IGSF10: variants seen among roughly 807,000 people sequenced by gnomAD.
IGSF10 encodes the protein immunoglobulin superfamily member 10, also known as calvaria mechanical force protein 608.
A neutral mutation model predicts 128.2 loss-of-function variants in IGSF10; 126 were observed. The ratio of observed to expected loss-of-function variants is 0.98; its 90% CI spans 0.85 to 1.14. The LOEUF is 1.14. Ranked by LOEUF, IGSF10 falls within the 50% of genes most tolerant of loss-of-function variation. The pLI is 0.00. For missense variants in IGSF10, 3,295 were observed against 3,149.8 expected (o/e 1.05, Z -1.10); for synonymous variants, 1,185 against 1,146.2 (o/e 1.03, Z -0.68).
At chr3:151,482,329 T>C in the IGSF10 span, among the ~76,000 whole-genome samples, 1 of 152,054 alleles carries the variant, frequency 6.6e-6, no homozygotes, top group Non-Finnish European at 1.5e-5. Context: ...ATGACCAGAA[T>C]GAGAAATTTA....
chr3:151,454,926 A>G lies in IGSF10; in HGVS notation c.325-1152T>C, dbSNP rs142868316. On this transcript the variant is annotated intron_variant, in intron 4 of 7. Transcript: ENST00000282466. ...GAGGCTGAGGCATGAGAATCATTTG[A>G]ACTTGGAAGGTGGAGGTTGTAGTGA... Among the ~76,000 whole-genome samples, 827 of 152,108 alleles carry G rather than the reference A, an allele frequency of 5.4e-3. 2 individuals carry two copies. The highest frequency in any genetic ancestry group is 0.019 in the African/African-American group (769 of 41,500).
intron 4 of IGSF10, among the ~76,000 whole-genome samples, chr3:151,455,364 T>C (rs9838233): frequency 0.78 from 118,238 of 151,384 alleles, 46,475 homozygotes; most frequent in Middle Eastern, 0.95. Flanking sequence ...TGCCCCCCCT[T>C]GGCCTCCCAA....
the IGSF10 span, among the ~76,000 whole-genome samples, chr3:151,543,478 C>A: frequency 2.0e-5 from 3 of 152,178 alleles, no homozygotes; most frequent in East Asian, 3.9e-4. Context: ...TCTCTCTGGG[C>A]AAGAGCACGA....
chr3:151,506,153 C>A, the IGSF10 span, among the ~76,000 whole-genome samples: 2 of 152,262 alleles, frequency 1.3e-5, no homozygotes, highest in South Asian at 4.2e-4. Flanking sequence ...CGGGGTTTCA[C>A]CATGTTGGCC....
At chr3:151,570,166 G>C in the IGSF10 span, among the ~76,000 whole-genome samples, 13 of 152,258 alleles carry the variant, frequency 8.5e-5, no homozygotes, top group Middle Eastern at 3.4e-3. Context: ...CCAAGTCTTT[G>C]CTATTGTGAA....
the IGSF10 span, among the ~76,000 whole-genome samples, chr3:151,517,442 G>A: frequency 6.0e-4 from 91 of 152,104 alleles, no homozygotes; most frequent in Admixed American, 2.9e-3. Flanking sequence ...AGTCATAATA[G>A]CAGTCTCCCT....
At chr3:151,482,803 A>G in the IGSF10 span, among the ~76,000 whole-genome samples, 5 of 152,320 alleles carry the variant, frequency 3.3e-5, no homozygotes, top group Middle Eastern at 3.4e-3. Flanking sequence ...AAAGAAAAGC[A>G]CCTACATCAT....
At position 151,458,512 on chromosome 3, in the gene IGSF10, A is replaced by G; in HGVS notation, c.194+4T>C. ...GAGAAGAGGAAACATGAGGTCTCACACACCCTAAATTGATGCGTTCCACAT... is the reference window on the plus strand; with the variant it reads ...GAGAAGAGGAAACATGAGGTCTCACGCACCCTAAATTGATGCGTTCCACAT... On this transcript the variant is annotated splice_donor_region_variant and intron_variant, in intron 3 of 7. Transcript: ENST00000282466. 2.5e-6 allele frequency: 4 copies of G among 1,606,334 alleles called. No homozygotes were observed. Among genetic ancestry groups the G allele is most frequent in the South Asian group, 1.1e-5 (1 of 90,242 alleles).
At chr3:151,522,940 T>C in the IGSF10 span, among the ~76,000 whole-genome samples, 1 of 152,106 alleles carries the variant, frequency 6.6e-6, no homozygotes, top group Admixed American at 6.6e-5. Context: ...AACCTCATAG[T>C]CTCAACCCAA....
Position 151,446,394 on chromosome 3 carries a change from G to A in IGSF10, c.3587C>T (p.Thr1196Ile), listed in dbSNP as rs777524993. 6.2e-7 allele frequency: 1 copy of A among 1,613,448 alleles called. No individual in the cohort carries two copies. The highest frequency in any genetic ancestry group is 1.1e-5 in the South Asian group (1 of 91,042). The change falls in exon 6 of 8, where the codon ACA (threonine) becomes ATA (isoleucine). Residue 1196 changes from threonine (T) to isoleucine (I), a missense_variant. Thr to Ile is a moderately conservative substitution (Grantham distance 89, BLOSUM62 -1). Transcript: ENST00000282466. ...TKPPMTIIAI[T>I]RFSRRKIPWQ... is the part of the protein sequence containing the mutation. The stretch of plus-strand genomic sequence containing the variant: ...GGGAATTTTCCTTCTTGAAAACCTT[G>A]TAATGGCTATAATAGTCATTGGTGG...
chr3:151,510,421 GA>G, the IGSF10 span, among the ~76,000 whole-genome samples: 1 of 152,146 alleles, frequency 6.6e-6, no homozygotes, highest in Non-Finnish European at 1.5e-5. Context: ...CTGGTAGAAG[GA>G]AAACTAACAA....
At chr3:151,510,228 T>G in the IGSF10 span, among the ~76,000 whole-genome samples, 3 of 152,116 alleles carry the variant, frequency 2.0e-5, no homozygotes, top group Non-Finnish European at 4.4e-5. Context: ...CAACCCCCAG[T>G]AGGGGCGGAC....
the IGSF10 span, among the ~76,000 whole-genome samples, chr3:151,581,990 C>T: frequency 2.6e-5 from 4 of 151,984 alleles, no homozygotes. Flanking sequence ...CGCTTGAACC[C>T]GGGAGGCAGA....
the IGSF10 span, among the ~76,000 whole-genome samples, chr3:151,514,682 C>T: frequency 2.0e-5 from 3 of 152,102 alleles, no homozygotes; most frequent in African/African-American, 7.2e-5. Context: ...GAACAGGCAA[C>T]TTACAAAATG....
the IGSF10 span, among the ~76,000 whole-genome samples, chr3:151,598,300 G>T: frequency 2.0e-5 from 3 of 152,174 alleles, no homozygotes; most frequent in Non-Finnish European, 4.4e-5. Flanking sequence ...TTTGGGCAAT[G>T]TTTGTGAGCA....
At chr3:151,518,780 G>T in the IGSF10 span, among the ~76,000 whole-genome samples, 2 of 151,922 alleles carry the variant, frequency 1.3e-5, no homozygotes, top group African/African-American at 2.4e-5. Flanking sequence ...TTCTATGAAA[G>T]TTGGGTATTG....
upstream of IGSF10, among the ~76,000 whole-genome samples, chr3:151,463,523 G>GTTTTTTTTTTTTGTTTTTTTT (rs1553837067): frequency 6.4e-4 from 20 of 31,272 alleles, 6 homozygotes; most frequent in East Asian, 1.9e-3. Flanking sequence ...ACATTTTCTG[G>GTTTTTTTTTTTTGTTTTTTTT]TTTTTTTTTT....
chr3:151,555,178 AC>A, the IGSF10 span, among the ~76,000 whole-genome samples: 82 of 152,138 alleles, frequency 5.4e-4, no homozygotes, highest in Non-Finnish European at 1.0e-3. Flanking sequence ...TAAAACTGTC[AC>A]CTGTGGTAAC....
chr3:151,449,432 T>C (rs1268927544), intron 5 of IGSF10, among the ~76,000 whole-genome samples, 167 bp from the exon 6 acceptor site: 1 of 152,258 alleles, frequency 6.6e-6, no homozygotes, highest in South Asian at 2.1e-4. Context: ...TAAAAAGCTA[T>C]GTCTGTATAC....
Sources: gnomAD v4.1 joint callset for allele counts (sites outside exome capture counted in the v4.1 genomes callset) on GRCh38, gnomAD v4.1.1 for gene constraint, MANE v1.5 for transcripts, NCBI Gene and HGNC (gene_info 2026-07-23, HGNC 2026-07-21) for gene names.